DDAH1: variants seen among roughly 807,000 people sequenced by gnomAD.
DDAH1 encodes N(G),N(G)-dimethylarginine dimethylaminohydrolase 1.
A neutral mutation model predicts 28.8 loss-of-function variants in DDAH1; 19 were observed. The observed-to-expected ratio is 0.66, with a 90% CI of 0.46 to 0.97. The LOEUF is 0.97. Among genes scored for constraint, DDAH1 ranks in the 50% least tolerant of loss-of-function variants. The pLI is 0.00. For synonymous variants in DDAH1, 153 were observed against 154.4 expected (o/e 0.99, Z 0.07); for missense variants, 326 against 375.9 (o/e 0.87, Z 1.10).
Position 85,573,527 on chromosome 1 carries a change from A to G in DDAH1, c.-123+4457T>C, listed in dbSNP as rs1167618670. On this transcript the variant is annotated intron_variant, in intron 1 of 6. Transcript: ENST00000426972. ...AAATGTTTCTGTGTTATCACAAAAC[A>G]AGAAGTTCTGTAAGGTAAGGGAGTT... Among the ~76,000 whole-genome samples, 3 of 152,200 alleles carry G rather than the reference A, an allele frequency of 2.0e-5. No individual in the cohort carries two copies. In the East Asian group the frequency reaches 5.8e-4, roughly 29 times the overall value.
chr1:85,352,903 C>T (rs755573026), intron 2 of DDAH1, among the ~76,000 whole-genome samples: 6 of 149,276 alleles, frequency 4.0e-5, no homozygotes, highest in Non-Finnish European at 8.9e-5. Context: ...ACTAAAAGAA[C>T]AGTACTAGAC....
At position 85,370,375 on chromosome 1, in the gene DDAH1, T is replaced by C. The variant is rs112186508; in HGVS notation, c.304-11528A>G. Among the ~76,000 whole-genome samples, 751 of 152,350 alleles carry C rather than the reference T, an allele frequency of 4.9e-3. 3 individuals carry two copies. Among genetic ancestry groups the C allele is most frequent in the African/African-American group, 0.017 (712 of 41,592 alleles). The stretch of plus-strand genomic sequence containing the variant: ...AGTCAGTGGTACTAGCAAACTAATA[T>C]GGCATTTTACCAGATAAAGCTGGGG... On this transcript the variant is annotated intron_variant, in intron 1 of 5. Transcript: ENST00000284031.
chr1:85,428,137 G>A (rs115109998), intron 1 of DDAH1, among the ~76,000 whole-genome samples: 5,830 of 152,204 alleles, frequency 0.038, 384 homozygotes, highest in African/African-American at 0.13. Flanking sequence ...TTATCCATCT[G>A]CCTTTTCAGA....
chr1:85,523,359 C>T (rs1236223629), intron 1 of DDAH1, among the ~76,000 whole-genome samples: 5 of 151,944 alleles, frequency 3.3e-5, no homozygotes, highest in Non-Finnish European at 7.4e-5. Flanking sequence ...AGCCCTCCTC[C>T]CCTTCTCTAC....
chr1:85,438,568 G>A (rs1654044372), intron 1 of DDAH1, among the ~76,000 whole-genome samples: 1 of 152,082 alleles, frequency 6.6e-6, no homozygotes, highest in Non-Finnish European at 1.5e-5. Flanking sequence ...GCTGTTCAAG[G>A]GTCAACTGTA....
chr1:85,446,216 A>AG (rs1654420203), intron 1 of DDAH1, among the ~76,000 whole-genome samples: 1 of 152,136 alleles, frequency 6.6e-6, no homozygotes, highest in African/African-American at 2.4e-5. Flanking sequence ...CAACATGGCT[A>AG]GGGAGGCCTC....
rs370850374 is a variant in DDAH1, at chr1:85,321,428, G to A, written c.*24C>T. The A allele has an allele frequency of 1.4e-4, 219 of 1,542,578 alleles. No homozygotes were observed. In the African/African-American group the frequency reaches 2.3e-3, roughly 16 times the overall value. On this transcript the variant is annotated 3_prime_UTR_variant, in exon 6 of 6. Coordinates refer to ENST00000284031, the MANE Select transcript of DDAH1 (RefSeq NM_012137.4). ...TCGGCCTTGCCTGTGCGGTCTTGCCGGCTACCGGGGGGGACTCTGCAGCTC... is the reference window on the plus strand; with the variant it reads ...TCGGCCTTGCCTGTGCGGTCTTGCCAGCTACCGGGGGGGACTCTGCAGCTC...
rs1406486979 is a variant in DDAH1 at position 85,564,121 on chromosome 1, G to T, written c.-123+13863C>A. ...CTGGAGGCGGAAGTTGCAGTAAGCT[G>T]AGATTGCACCATTGAGCTCCAGCCT... On this transcript the variant is annotated intron_variant, in intron 1 of 6. Coordinates refer to the DDAH1 transcript ENST00000426972. 5.9e-5 allele frequency among the ~76,000 whole-genome samples: 9 copies of T among 152,248 alleles called. No homozygotes were observed. In the East Asian group the frequency reaches 1.7e-3, roughly 29 times the overall value.
intron 4 of DDAH1, among the ~76,000 whole-genome samples, chr1:85,334,853 C>A (rs1648008431): frequency 6.6e-6 from 1 of 152,146 alleles, no homozygotes; most frequent in Non-Finnish European, 1.5e-5. Flanking sequence ...TGAAACTTTA[C>A]AGTCCAGAAG....
intron 1 of DDAH1, among the ~76,000 whole-genome samples, chr1:85,553,179 G>A (rs1044657616): frequency 1.3e-5 from 2 of 152,034 alleles, no homozygotes; most frequent in Admixed American, 1.3e-4. Context: ...CCTTAGAACC[G>A]CTCAGCCAGC....
chr1:85,500,827 T>C (rs1037085677), intron 1 of DDAH1, among the ~76,000 whole-genome samples: 1 of 152,104 alleles, frequency 6.6e-6, no homozygotes, highest in African/African-American at 2.4e-5. Flanking sequence ...ACTATTTTTT[T>C]TTCTTCTATG....
intron 1 of DDAH1, among the ~76,000 whole-genome samples, chr1:85,431,128 T>C (rs1414092943): frequency 6.6e-6 from 1 of 152,198 alleles, no homozygotes; most frequent in Non-Finnish European, 1.5e-5. Flanking sequence ...TCCAAGGCCC[T>C]TTCTGCATGT....
chr1:85,534,875 T>C (rs1277569488), intron 1 of DDAH1, among the ~76,000 whole-genome samples: 12 of 152,220 alleles, frequency 7.9e-5, no homozygotes, highest in Non-Finnish European at 1.3e-4. Flanking sequence ...ATAGCATATA[T>C]TTGATTTGCC....
intron 1 of DDAH1, among the ~76,000 whole-genome samples, chr1:85,366,270 T>C (rs1179885242): frequency 6.6e-6 from 1 of 152,218 alleles, no homozygotes; most frequent in Non-Finnish European, 1.5e-5. Flanking sequence ...AAATGGTCAA[T>C]ACGTGTTAAA....
chr1:85,484,222 T>C (rs1656113660), intron 2 of DDAH1, among the ~76,000 whole-genome samples: 1 of 151,924 alleles, frequency 6.6e-6, no homozygotes, highest in East Asian at 1.9e-4. Flanking sequence ...AGTTTATTGA[T>C]ACATAGCTGG....
chr1:85,357,789 T>C (rs1438660715), intron 2 of DDAH1, among the ~76,000 whole-genome samples: 1 of 152,236 alleles, frequency 6.6e-6, no homozygotes, highest in Non-Finnish European at 1.5e-5. Context: ...AGAATGAATT[T>C]GGGGACCCAG....
At chr1:85,542,348 C>G (rs1273749035) in intron 1 of DDAH1, among the ~76,000 whole-genome samples, 2 of 152,170 alleles carry the variant, frequency 1.3e-5, no homozygotes, top group African/African-American at 4.8e-5. Flanking sequence ...TGCATAGAAT[C>G]TATGTGATTT....
In DDAH1 at chr1:85,321,481, C is replaced by T; in HGVS notation, c.829G>A (p.Val277Ile). 1 of 1,614,090 alleles carries T rather than the reference C, an allele frequency of 6.2e-7. No individual in the cohort carries two copies. The highest frequency in any genetic ancestry group is 8.5e-7 in the Non-Finnish European group (1 of 1,179,946). ...KVDGLLTCCS[V>I]LINKKVDS ...GAGTCTACTTTCTTGTTAATTAAAA[C>T]TGAGCAGCAGGTGAGCAGCCCATCC... Residue 277 changes from valine (V) to isoleucine (I), a missense_variant, in exon 6 of 6, where the codon GTT (valine) becomes ATT (isoleucine). Val to Ile is a conservative substitution (Grantham distance 29). Transcript: ENST00000284031.
At chr1:85,561,553 A>C (rs1048487750) in intron 1 of DDAH1, among the ~76,000 whole-genome samples, 1 of 152,076 alleles carries the variant, frequency 6.6e-6, no homozygotes, top group African/African-American at 2.4e-5. Context: ...TCTCCCTCAT[A>C]TCCTACTGTG....
Sources: gnomAD v4.1 joint callset for allele counts (sites outside exome capture counted in the v4.1 genomes callset) on GRCh38, gnomAD v4.1.1 for gene constraint, MANE v1.5 for transcripts, NCBI Gene and HGNC (gene_info 2026-07-23, HGNC 2026-07-21) for gene names.